Variants in PPP2R1B observed in about 807,000 individuals in gnomAD.
PPP2R1B encodes serine/threonine-protein phosphatase 2A 65 kDa regulatory subunit A beta isoform.
A neutral mutation model predicts 72.7 loss-of-function variants in PPP2R1B; 58 were observed. That is an observed-to-expected ratio of 0.80 (90% CI 0.65 to 0.99). The LOEUF is 0.99. PPP2R1B is among the 50% of genes least tolerant of loss of function. The pLI is 0.00. For missense variants in PPP2R1B, 695 were observed against 733.6 expected (o/e 0.95, Z 0.61); for synonymous variants, 256 against 264.6 (o/e 0.97, Z 0.32).
At chr11:111,723,853 A>G, downstream of PPP2R1B, 1 of 1,373,320 alleles carries the variant, frequency 7.3e-7, no homozygotes, top group Non-Finnish European at 9.7e-7. Flanking sequence ...CACGACAGCC[A>G]GGAGCTGCCC....
chr11:111,741,458 A>G lies in PPP2R1B; in HGVS notation c.*138T>C, dbSNP rs1312992259. The G allele has an allele frequency of 6.8e-7, 1 of 1,474,830 alleles. No individual in the cohort carries two copies. Among genetic ancestry groups the G allele is most frequent in the East Asian group, 2.4e-5 (1 of 41,272 alleles). 91.4% of individuals were successfully genotyped at this position (1,474,830 alleles called of 1,614,324 possible). A position where few individuals can be genotyped will look rare whatever the true frequency, so the allele number is the denominator to read the frequency against. ...TCTTTAGAAAGAATTAAGTCACTAA[A>G]TGATTTCTTCTAAGTTGTTGCCATT... On this transcript the variant is annotated 3_prime_UTR_variant, in exon 15 of 15. Coordinates refer to ENST00000527614, the MANE Select transcript of PPP2R1B (RefSeq NM_002716.5).
At chr11:111,746,544 C>T (rs968007357) in intron 11 of PPP2R1B, among the ~76,000 whole-genome samples, 3 of 151,988 alleles carry the variant, frequency 2.0e-5, no homozygotes, top group Admixed American at 6.6e-5. Flanking sequence ...AAAACCTAGA[C>T]GACAGGTTGA....
rs1287829948 is a variant in PPP2R1B, at chr11:111,738,717, A to C, written c.*2879T>G. 1.0e-6 allele frequency: 1 copy of C among 985,414 alleles called. No individual in the cohort carries two copies. Among genetic ancestry groups the C allele is most frequent in the Non-Finnish European group, 1.2e-6 (1 of 829,930 alleles). The allele number at this position is 985,414 out of a possible 1,614,324, so 61.0% of individuals were successfully genotyped here. On this transcript the variant is annotated 3_prime_UTR_variant, in exon 15 of 15. Coordinates refer to ENST00000527614, the MANE Select transcript of PPP2R1B (RefSeq NM_002716.5). ...ATATTCACCTGCCTTCCTTCTTATGAAACAAGATGCATCCTCAGGTTCACA... is the reference window on the plus strand; with the variant it reads ...ATATTCACCTGCCTTCCTTCTTATGCAACAAGATGCATCCTCAGGTTCACA...
At chr11:111,693,261 G>C in the PPP2R1B span, among the ~76,000 whole-genome samples, 2 of 151,854 alleles carry the variant, frequency 1.3e-5, no homozygotes, top group African/African-American at 4.8e-5. Context: ...TTGAACCAGG[G>C]AGTCAGAGGT....
Position 111,743,381 on chromosome 11 carries a change from T to C in PPP2R1B, c.1549A>G (p.Ile517Val). ...AACAGTTATGTTATACTTACATTAATGCAGAATAAAGTGGTCATTCTATGC... is the reference window on the plus strand; with the variant it reads ...AACAGTTATGTTATACTTACATTAACGCAGAATAAAGTGGTCATTCTATGC... The part of the protein sequence containing the change: ...YLHRMTTLFC[I>V]NALSEACGQE... The change falls in exon 12 of 15, where the codon ATT becomes GTT. Residue 517 changes from isoleucine to valine, a missense_variant. Coordinates refer to ENST00000527614, the MANE Select transcript of PPP2R1B (RefSeq NM_002716.5). The C allele has an allele frequency of 6.2e-7, 1 of 1,605,740 alleles. No individual in the cohort carries two copies. The highest frequency in any genetic ancestry group is 8.5e-7 in the Non-Finnish European group (1 of 1,174,656).
In PPP2R1B at chr11:111,766,345, T is replaced by A; in HGVS notation, c.17A>T (p.Glu6Val). 1 of 1,480,650 alleles carries A rather than the reference T, an allele frequency of 6.8e-7. No individual in the cohort carries two copies. Among genetic ancestry groups the A allele is most frequent in the Non-Finnish European group, 9.0e-7 (1 of 1,115,368 alleles). The allele number at this position is 1,480,650 out of a possible 1,614,324, so 91.7% of individuals were successfully genotyped here. Residue 6 changes from glutamate (E) to valine (V), a missense_variant, in exon 1 of 15, where the codon GAG becomes GTG. Transcript: ENST00000527614. MAGAS[E>V]LGTGPGAAGG... ...CGCTGCTCCTGGGCCGGTCCCGAGC[T>A]CTGATGCGCCCGCCATGTTCTTTCT...
At chr11:111,689,110 A>T in the PPP2R1B span, among the ~76,000 whole-genome samples, 1 of 152,278 alleles carries the variant, frequency 6.6e-6, no homozygotes, top group East Asian at 1.9e-4. Context: ...GTAGACAGAG[A>T]TTGGAATGTT....
chr11:111,715,865 G>C, the PPP2R1B span, among the ~76,000 whole-genome samples: 1 of 123,298 alleles, frequency 8.1e-6, no homozygotes, highest in African/African-American at 3.1e-5. Context: ...GCAGTGACAC[G>C]ATCTCAGCTC....
At chr11:111,742,305 C>A in intron 13 of PPP2R1B, 161 bp from the exon 14 acceptor site, 4 of 609,778 alleles carry the variant, frequency 6.6e-6, no homozygotes, top group South Asian at 4.5e-5. Flanking sequence ...AAATTCTCAG[C>A]AAAATCAGCT....
intron 10 of PPP2R1B, among the ~76,000 whole-genome samples, chr11:111,750,878 G>A (rs1213917669): frequency 6.9e-6 from 1 of 145,654 alleles, no homozygotes; most frequent in Non-Finnish European, 1.5e-5. Flanking sequence ...TTACTCTGTT[G>A]CCCAGGCTGC....
chr11:111,761,542 C>T (rs1945328937), intron 3 of PPP2R1B, among the ~76,000 whole-genome samples: 1 of 152,246 alleles, frequency 6.6e-6, no homozygotes, highest in Admixed American at 6.5e-5. Flanking sequence ...CCACCATCTC[C>T]ATCCCATCCT....
rs781839721 is a variant in PPP2R1B at position 111,759,983 on chromosome 11, T to A, written c.540-32A>T. On this transcript the variant is annotated intron_variant, in intron 4 of 14. Transcript: ENST00000527614. ...CATAAAACAATGAAGGTATTTCCCA[T>A]CAAATAACACTGAATAAACCTGCCC... 53 of 1,606,290 alleles carry A rather than the reference T, an allele frequency of 3.3e-5. No homozygotes were observed. In the Admixed American group the frequency reaches 8.7e-4, roughly 26 times the overall value.
In PPP2R1B at chr11:111,739,420, G is replaced by A; in HGVS notation, c.*2176C>T. 1.0e-6 allele frequency: 1 copy of A among 985,278 alleles called. No individual in the cohort carries two copies. The highest frequency in any genetic ancestry group is 1.2e-6 in the Non-Finnish European group (1 of 829,908). The allele number at this position is 985,278 out of a possible 1,614,324, so 61.0% of individuals were successfully genotyped here. A position where few individuals can be genotyped will look rare whatever the true frequency, so the allele number is the denominator to read the frequency against. ...TGAGCCAAAGCACAATTCCTCTGAA[G>A]AGTACCAAAACAAATTCTCTCTCTA... On this transcript the variant is annotated 3_prime_UTR_variant, in exon 15 of 15. Transcript: ENST00000527614.
chr11:111,707,186 G>C, the PPP2R1B span, among the ~76,000 whole-genome samples: 4 of 152,094 alleles, frequency 2.6e-5, no homozygotes, highest in Non-Finnish European at 5.9e-5. Context: ...TAGGAAGCTG[G>C]AAAGCCCCCA....
rs1555050758 is a variant in PPP2R1B at position 111,759,909 on chromosome 11, T to C, written c.582A>G (p.Arg194=). The change falls in exon 5 of 15, where the codon CGA becomes CGG. Residue 194 remains arginine, a synonymous_variant. Transcript: ENST00000527614. ...SLCSDDTPMV[R]RAAASKLGEF... Reference sequence around the variant, plus strand: ...CACCCAATTTGGAAGCAGCAGCACGTCGTACCATTGGTGTGTCATCTGAGC... The same window carrying C: ...CACCCAATTTGGAAGCAGCAGCACGCCGTACCATTGGTGTGTCATCTGAGC... 2 of 1,614,176 alleles carry C rather than the reference T, an allele frequency of 1.2e-6. No homozygotes were observed. Among genetic ancestry groups the C allele is most frequent in the Non-Finnish European group, 8.5e-7 (1 of 1,180,022 alleles).
the PPP2R1B span, among the ~76,000 whole-genome samples, chr11:111,697,153 A>G: frequency 6.6e-6 from 1 of 152,238 alleles, no homozygotes; most frequent in African/African-American, 2.4e-5. Context: ...GCAACTTAGT[A>G]GCTAGCTGTA....
chr11:111,761,943 G>C (rs1185487571), intron 3 of PPP2R1B, among the ~76,000 whole-genome samples: 1 of 152,098 alleles, frequency 6.6e-6, no homozygotes. Flanking sequence ...CTGGGTGACA[G>C]AGTGAGGCTC....
intron 13 of PPP2R1B, 157 bp from the exon 14 acceptor site, chr11:111,742,301 T>TTTTAATGATACGG: frequency 1.3e-6 from 1 of 764,704 alleles, no homozygotes; most frequent in Non-Finnish European, 2.0e-6. Flanking sequence ...AAAGAAATTC[T>TTTTAATGATACGG]CAGCAAAATC....
intron 15 of PPP2R1B, chr11:111,730,685 T>A (rs925433572): frequency 3.9e-5 from 6 of 151,900 alleles, no homozygotes; most frequent in Non-Finnish European, 8.8e-5. Context: ...AAAAAAAAAA[T>A]CAAAAGTATA....
Sources: gnomAD v4.1 joint callset for allele counts (sites outside exome capture counted in the v4.1 genomes callset) on GRCh38, gnomAD v4.1.1 for gene constraint, MANE v1.5 for transcripts, NCBI Gene and HGNC (gene_info 2026-07-23, HGNC 2026-07-21) for gene names.